The following HSPG2 variants were observed in gnomAD, a reference collection of about 807,000 sequenced individuals.
The protein encoded by HSPG2 is heparan sulfate proteoglycan 2.
Under a neutral mutation model 526.6 loss-of-function variants are expected in HSPG2, and 278 were observed. The ratio of observed to expected loss-of-function variants is 0.53; its 90% CI spans 0.48 to 0.58. The LOEUF (loss-of-function observed/expected upper bound fraction) is 0.58, where lower values mean the gene tolerates loss of function less well. Ranked by LOEUF, HSPG2 falls within the 20% of genes least tolerant of loss-of-function variation. HSPG2 has a pLI of 0.00. For synonymous variants in HSPG2, 2,465 were observed against 2,555.4 expected (o/e 0.96, Z 1.07); for missense variants, 5,354 against 6,099.5 (o/e 0.88, Z 4.07).
rs148420720 is a variant in HSPG2, at chr1:21,846,209, G to A, written c.8363C>T (p.Ser2788Leu). The change falls in exon 64 of 97, where the codon TCG becomes TTG. Residue 2788 changes from serine (S) to leucine (L), a missense_variant. Coordinates refer to ENST00000374695, the MANE Select transcript of HSPG2 (RefSeq NM_005529.7). ...LRLHHVSPAD[S>L]GEYVCRVMGS... is the part of the protein sequence containing the mutation. The stretch of plus-strand genomic sequence containing the variant: ...CATCACCCGGCACACGTATTCACCC[G>A]AGTCGGCCGGGGACACATGGTGCAG... 9 of 1,612,904 alleles carry A rather than the reference G, an allele frequency of 5.6e-6. No homozygotes were observed. In the East Asian group the frequency reaches 6.7e-5, roughly 12 times the overall value.
chr1:21,876,727 AGTCCAGATAAGAACCCAAGACCCAGG>A, intron 21 of HSPG2, 75 bp from the exon 22 acceptor site: 1 of 1,592,028 alleles, frequency 6.3e-7, no homozygotes, highest in Non-Finnish European at 8.6e-7. Context: ...ATCCACCCTC[AGTCCAGATAAGAACCCAAGACCCAGG>A]GGAGCCACTG....
In HSPG2 at chr1:21,890,409, C is replaced by T. The variant is rs1642271447; in HGVS notation, c.413+18G>A. On this transcript the variant is annotated intron_variant, in intron 5 of 96. Coordinates refer to ENST00000374695, the MANE Select transcript of HSPG2 (RefSeq NM_005529.7). The surrounding 1 kb of genome is among the most constrained non-coding windows in gnomAD (Gnocchi z 4.1). ...CCCGCTCAAGTCCCCCAGCAGCCCC[C>T]AGGGAGCCCCTTCTCACTTGATGAA... 1 of 1,612,820 alleles carries T rather than the reference C, an allele frequency of 6.2e-7. No individual in the cohort carries two copies.
rs142832414 is a variant in HSPG2, at chr1:21,870,515, G to A, written c.4221+1671C>T. On this transcript the variant is annotated intron_variant, in intron 33 of 96. Coordinates refer to ENST00000374695, the MANE Select transcript of HSPG2 (RefSeq NM_005529.7). ...ACATGCACACAGAGGGTTCATGGTG[G>A]TTGCTTGAGAGGCAAGGCCAGGGGA... Among the ~76,000 whole-genome samples the A allele has an allele frequency of 3.6e-3, 552 of 152,328 alleles. 3 individuals are homozygous for A. Among genetic ancestry groups the A allele is most frequent in the African/African-American group, 0.013 (522 of 41,566 alleles).
chr1:21,864,732 G>T lies in HSPG2; in HGVS notation c.4626+111C>A. ...GGAGGAATACATGCAGGGCCCAGAT[G>T]CAGGGGTCATTATAGTTATGATGGT... On this transcript the variant is annotated intron_variant, in intron 36 of 96. Coordinates refer to ENST00000374695, the MANE Select transcript of HSPG2 (RefSeq NM_005529.7). The surrounding 1 kb of genome is among the most constrained non-coding windows in gnomAD (Gnocchi z 4.8). 1 of 876,096 alleles carries T rather than the reference G, an allele frequency of 1.1e-6. No individual in the cohort carries two copies. Among genetic ancestry groups the T allele is most frequent in the Non-Finnish European group, 1.8e-6 (1 of 543,068 alleles). The allele number at this position is 876,096 out of a possible 1,614,324, so 54.3% of individuals were successfully genotyped here. A position where few individuals can be genotyped will look rare whatever the true frequency, so the allele number is the denominator to read the frequency against.
rs771862177 is a variant in HSPG2 at position 21,829,032 on chromosome 1, G to A, written c.12040C>T (p.His4014Tyr). 49 of 1,551,170 alleles carry A rather than the reference G, an allele frequency of 3.2e-5. 2 individuals are homozygous for A. In the South Asian group the frequency reaches 5.5e-4, roughly 17 times the overall value. Reference sequence around the variant, plus strand: ...TTGAGACGCTCTGCAGACACACGGTGCCAGCGGCCCAGGGCCAGCGGCTCG... The same window carrying A: ...TTGAGACGCTCTGCAGACACACGGTACCAGCGGCCCAGGGCCAGCGGCTCG... Reference protein sequence around the residue: ...SAEPLALGRWHRVSAERLNKD... With the variant: ...SAEPLALGRWYRVSAERLNKD... Residue 4014 changes from histidine (H) to tyrosine (Y), a missense_variant, in exon 88 of 97, where the codon CAC becomes TAC. Coordinates refer to ENST00000374695, the MANE Select transcript of HSPG2 (RefSeq NM_005529.7).
At position 21,847,354 on chromosome 1, in the gene HSPG2, C is replaced by T. The variant is rs201508804; in HGVS notation, c.8164G>A (p.Ala2722Thr). 85 of 1,613,954 alleles carry T rather than the reference C, an allele frequency of 5.3e-5. No individual in the cohort carries two copies. The highest frequency in any genetic ancestry group is 4.9e-4 in the Middle Eastern group (3 of 6,062). ...TCGTCCCTTTCCTAGGCAGACTCAC[C>T]GGAGGGGCTGCCGGCGCTAGGGGAG... The part of the protein sequence containing the change: ...SVSPSAGSPS[A>T]PGSSMPIRIE... Residue 2722 changes from alanine to threonine, a missense_variant and splice_region_variant, in exon 62 of 97, where the codon GCC (alanine) becomes ACC (threonine). Coordinates refer to ENST00000374695, the MANE Select transcript of HSPG2 (RefSeq NM_005529.7). The surrounding 1 kb of genome is among the most constrained non-coding windows in gnomAD (Gnocchi z 4.1).
intron 75 of HSPG2, 113 bp from the exon 76 acceptor site, chr1:21,835,750 G>T: frequency 1.3e-6 from 1 of 743,618 alleles, no homozygotes; most frequent in Non-Finnish European, 2.3e-6. Context: ...TTGGGAGGCT[G>T]AGGCAGGCGC....
intron 37 of HSPG2, 78 bp from the exon 38 acceptor site, chr1:21,862,193 T>G: frequency 6.6e-7 from 1 of 1,522,740 alleles, no homozygotes; most frequent in East Asian, 2.3e-5. Context: ...AATCCCTTGA[T>G]CTAGAAATTC....
chr1:21,896,460 G>T, intron 1 of HSPG2, 150 bp from the exon 2 acceptor site: 1 of 953,506 alleles, frequency 1.0e-6, no homozygotes, highest in African/African-American at 1.6e-5. Flanking sequence ...GAGCCAGGCT[G>T]GGGCTGAACC....
intron 33 of HSPG2, among the ~76,000 whole-genome samples, chr1:21,867,963 C>T (rs1640369048): frequency 6.6e-6 from 1 of 151,954 alleles, no homozygotes; most frequent in African/African-American, 2.4e-5. Context: ...CTCCTGTCCT[C>T]AGGTGTTCTG....
rs1176729554 is a variant in HSPG2, at chr1:21,902,034, A to T, written c.64-5724T>A. The stretch of plus-strand genomic sequence containing the variant: ...CTCGGCTGCAACCCAGGCCCCAGAC[A>T]CAGGATCAAGGTGCCCTGCCCCACC... On this transcript the variant is annotated intron_variant, in intron 1 of 96. Transcript: ENST00000374695. Among the ~76,000 whole-genome samples, 4 of 152,146 alleles carry T rather than the reference A, an allele frequency of 2.6e-5. No homozygotes were observed. In the East Asian group the frequency reaches 7.7e-4, roughly 29 times the overall value.
chr1:21,828,796 C>A lies in HSPG2; in HGVS notation c.12237+39G>T. The A allele has an allele frequency of 6.5e-7, 1 of 1,545,442 alleles. No homozygotes were observed. ...GCCGAGGGGGACACAAGGCTTGGCA[C>A]CCCTCCCCTCCCGCTTGTCCCGAGG... On this transcript the variant is annotated intron_variant, in intron 88 of 96. Transcript: ENST00000374695. This position sits in a 1 kb window ranked among gnomAD's most constrained non-coding sequence, Gnocchi z 6.0.
Position 21,858,813 on chromosome 1 carries a change from C to T in HSPG2, c.5293+753G>A, listed in dbSNP as rs1304843026. On this transcript the variant is annotated intron_variant, in intron 42 of 96. Transcript: ENST00000374695. This position sits in a 1 kb window ranked among gnomAD's most constrained non-coding sequence, Gnocchi z 4.2. ...GGGACTTGATGCTCCCAGAATAGGT[C>T]TCAGTCAATGACTGACAGAAGCTGG... Among the ~76,000 whole-genome samples, 1 of 152,196 alleles carries T rather than the reference C, an allele frequency of 6.6e-6. No homozygotes were observed. Among genetic ancestry groups the T allele is most frequent in the Non-Finnish European group, 1.5e-5 (1 of 68,038 alleles).
At position 21,848,197 on chromosome 1, in the gene HSPG2, T is replaced by G; in HGVS notation, c.7738-104A>C. 1 of 1,367,602 alleles carries G rather than the reference T, an allele frequency of 7.3e-7. No individual in the cohort carries two copies. The highest frequency in any genetic ancestry group is 1.0e-6 in the Non-Finnish European group (1 of 993,890). The allele number at this position is 1,367,602 out of a possible 1,614,324, so 84.7% of individuals were successfully genotyped here. A position where few individuals can be genotyped will look rare whatever the true frequency, so the allele number is the denominator to read the frequency against. ...CCTGGACTCTGGGGGCCTCCCTGCC[T>G]TGCCTCCTCAGTGGCCTTCGTGAAG... is the stretch of plus-strand genomic sequence containing the variant. On this transcript the variant is annotated intron_variant, in intron 59 of 96. Coordinates refer to ENST00000374695, the MANE Select transcript of HSPG2 (RefSeq NM_005529.7). This position sits in a 1 kb window ranked among gnomAD's most constrained non-coding sequence, Gnocchi z 4.9.
chr1:21,831,355 G>C, intron 83 of HSPG2, 31 bp from the exon 84 acceptor site: 1 of 1,607,774 alleles, frequency 6.2e-7, no homozygotes, highest in Non-Finnish European at 8.5e-7. Context: ...ATGAGCACAG[G>C]GCAGGGTGTC....
At position 21,822,416 on chromosome 1, in the gene HSPG2, C is replaced by G. The variant is rs2097954099; in HGVS notation, c.*900G>C. 1 of 604,430 alleles carries G rather than the reference C, an allele frequency of 1.7e-6. No homozygotes were observed. Among genetic ancestry groups the G allele is most frequent in the Admixed American group, 2.8e-5 (1 of 35,760 alleles). 37.4% of individuals were successfully genotyped at this position (604,430 alleles called of 1,614,324 possible). On this transcript the variant is annotated 3_prime_UTR_variant, in exon 97 of 97. Transcript: ENST00000374695. Reference sequence around the variant, plus strand: ...GATGGGGCAGGGTGGTCATATCCCCCTCCTCTCTCTCTCAGTCGTGAGTCC... The same window carrying G: ...GATGGGGCAGGGTGGTCATATCCCCGTCCTCTCTCTCTCAGTCGTGAGTCC...
At chr1:21,871,386 A>G (rs1320784818) in intron 33 of HSPG2, among the ~76,000 whole-genome samples, 3 of 149,772 alleles carry the variant, frequency 2.0e-5, no homozygotes. Context: ...CAGCCTCCCT[A>G]AATAGCTGGG....
rs1572189287 is a variant in HSPG2, at chr1:21,841,578, A to G, written c.9289T>C (p.Tyr3097His). Reference sequence around the variant, plus strand: ...TTCACCACACTCTGGGCCACACCGTAGGCATTGGAGGCCACGCAGCGGTAG... The same window carrying G: ...TTCACCACACTCTGGGCCACACCGTGGGCATTGGAGGCCACGCAGCGGTAG... ...GTYRCVASNA[Y>H]GVAQSVVNLS... Residue 3097 changes from tyrosine (Y) to histidine (H), a missense_variant, in exon 70 of 97, where the codon TAC (tyrosine) becomes CAC (histidine). Transcript: ENST00000374695. 1 of 1,614,170 alleles carries G rather than the reference A, an allele frequency of 6.2e-7. No individual in the cohort carries two copies. The highest frequency in any genetic ancestry group is 2.2e-5 in the East Asian group (1 of 44,884).
At chr1:21,923,629 T>C (rs1030550835) in intron 1 of HSPG2, among the ~76,000 whole-genome samples, 3 of 152,082 alleles carry the variant, frequency 2.0e-5, no homozygotes, top group Admixed American at 2.0e-4. Flanking sequence ...TGAGACCAAG[T>C]CACAAAGACT....
Sources: gnomAD v4.1 joint callset for allele counts (sites outside exome capture counted in the v4.1 genomes callset) on GRCh38, gnomAD v4.1.1 for gene constraint, Gnocchi (gnomAD v3.1) non-coding constraint, MANE v1.5 for transcripts, NCBI Gene and HGNC (gene_info 2026-07-23, HGNC 2026-07-21) for gene names.